The following EPHA7 variants were observed in gnomAD, a reference collection of about 807,000 sequenced individuals.
The protein encoded by EPHA7 is ephrin type-A receptor 7.
A neutral mutation model predicts 112.6 loss-of-function variants in EPHA7; 25 were observed. The observed-to-expected ratio is 0.22, with a 90% confidence interval of 0.16 to 0.31. The LOEUF (loss-of-function observed/expected upper bound fraction) is 0.31. Ranked by LOEUF, EPHA7 falls within the 10% of genes least tolerant of loss-of-function variation. The pLI is 1.00. For missense variants in EPHA7, 962 were observed against 1,212.6 expected, an observed-to-expected ratio of 0.79 and a Z score of 3.07; for synonymous variants, 437 against 406.5, an observed-to-expected ratio of 1.07 and a Z score of -0.90.
chr6:93,287,001 T>C (rs1772098509), intron 5 of EPHA7, among the ~76,000 whole-genome samples: 1 of 152,174 alleles, frequency 6.6e-6, no homozygotes, highest in Admixed American at 6.6e-5. Context: ...AATTGAGAAA[T>C]ATTTATTTGA....
intron 13 of EPHA7, among the ~76,000 whole-genome samples, chr6:93,255,021 G>C (rs1160500355): frequency 6.6e-6 from 1 of 151,950 alleles, no homozygotes; most frequent in African/African-American, 2.4e-5. Context: ...ATTGAGATTT[G>C]TGTGGTGTTA....
At chr6:93,265,547 T>A (rs1448457077) in intron 7 of EPHA7, among the ~76,000 whole-genome samples, 1 of 151,682 alleles carries the variant, frequency 6.6e-6, no homozygotes, top group Non-Finnish European at 1.5e-5. Flanking sequence ...ACTAGTGAAG[T>A]TTTATTTATA....
intron 1 of EPHA7, among the ~76,000 whole-genome samples, chr6:93,415,623 C>T (rs1395072721): frequency 1.3e-5 from 2 of 151,928 alleles, no homozygotes; most frequent in African/African-American, 4.8e-5. Flanking sequence ...GACAATTACT[C>T]TTCTAAAGCA....
intron 1 of EPHA7, among the ~76,000 whole-genome samples, chr6:93,418,242 T>C (rs1198657051): frequency 6.6e-6 from 1 of 152,118 alleles, no homozygotes; most frequent in Non-Finnish European, 1.5e-5. Context: ...GGTTTATTTT[T>C]CCCCAGCTCC....
chr6:93,313,996 A>G (rs2127870249), intron 5 of EPHA7, among the ~76,000 whole-genome samples: 1 of 152,134 alleles, frequency 6.6e-6, no homozygotes, highest in African/African-American at 2.4e-5. Context: ...GGTATATTTT[A>G]TAATTTCACT....
chr6:93,368,131 C>G (rs954466148), intron 3 of EPHA7, among the ~76,000 whole-genome samples: 3 of 152,084 alleles, frequency 2.0e-5, no homozygotes, highest in African/African-American at 7.2e-5. Flanking sequence ...CTTTTGACCA[C>G]TGGCTTCAAA....
At chr6:93,385,874 G>A (rs1413394719) in intron 3 of EPHA7, among the ~76,000 whole-genome samples, 2 of 152,160 alleles carry the variant, frequency 1.3e-5, no homozygotes, top group Non-Finnish European at 2.9e-5. Flanking sequence ...TAATCATGGT[G>A]GAAGGGGACG....
chr6:93,409,264 G>T (rs1025244107), intron 3 of EPHA7, among the ~76,000 whole-genome samples: 2 of 152,032 alleles, frequency 1.3e-5, no homozygotes, highest in African/African-American at 4.8e-5. Context: ...CTTGCTTTGT[G>T]ATTAAAACTA....
At chr6:93,366,011 G>A (rs1441542790) in intron 3 of EPHA7, among the ~76,000 whole-genome samples, 1 of 152,106 alleles carries the variant, frequency 6.6e-6, no homozygotes, top group Non-Finnish European at 1.5e-5. Flanking sequence ...AAAGCATTAT[G>A]TGAACACATC....
intron 5 of EPHA7, among the ~76,000 whole-genome samples, chr6:93,344,414 TA>T (rs540049623): frequency 1.7e-3 from 265 of 151,780 alleles, no homozygotes; most frequent in Non-Finnish European, 3.1e-3. Flanking sequence ...AAGGTTATGA[TA>T]ATGTATTAGA....
At chr6:93,311,105 T>A (rs962944613) in intron 5 of EPHA7, among the ~76,000 whole-genome samples, 1 of 144,182 alleles carries the variant, frequency 6.9e-6, no homozygotes, top group Non-Finnish European at 1.5e-5. Flanking sequence ...ATGTGCATCA[T>A]GCCCAGCTAT....
At chr6:93,353,410 G>A (rs1775790947) in intron 5 of EPHA7, among the ~76,000 whole-genome samples, 2 of 151,970 alleles carry the variant, frequency 1.3e-5, no homozygotes, top group African/African-American at 2.4e-5. Context: ...ATTTACATAA[G>A]AACCTCTATC....
intron 5 of EPHA7, among the ~76,000 whole-genome samples, chr6:93,340,884 T>G (rs951949652): frequency 6.6e-6 from 1 of 151,852 alleles, no homozygotes; most frequent in Non-Finnish European, 1.5e-5. Flanking sequence ...GTTTTTATAG[T>G]GGAACACTTA....
At chr6:93,290,321 C>A (rs1379173128) in intron 5 of EPHA7, among the ~76,000 whole-genome samples, 1 of 151,980 alleles carries the variant, frequency 6.6e-6, no homozygotes, top group Non-Finnish European at 1.5e-5. Context: ...CTTGTACCTT[C>A]TTGGAAATAT....
intron 5 of EPHA7, among the ~76,000 whole-genome samples, chr6:93,282,107 G>T (rs1308109973): frequency 6.6e-6 from 1 of 152,008 alleles, no homozygotes; most frequent in Non-Finnish European, 1.5e-5. Context: ...GAAATTCATA[G>T]ATTTGGTTTA....
At chr6:93,260,872 G>C in intron 9 of EPHA7, 1 of 394,854 alleles carries the variant, frequency 2.5e-6, no homozygotes, top group Non-Finnish European at 3.4e-6. Context: ...AAGGGGAAGA[G>C]AAAAAGAGAG....
chr6:93,326,143 G>A (rs551748187), intron 5 of EPHA7, among the ~76,000 whole-genome samples: 11 of 151,414 alleles, frequency 7.3e-5, no homozygotes, highest in East Asian at 3.9e-4. Context: ...GAATTATGCC[G>A]TGGTAATAGT....
chr6:93,274,397 G>T (rs1771371270), intron 5 of EPHA7, among the ~76,000 whole-genome samples: 1 of 151,720 alleles, frequency 6.6e-6, no homozygotes, highest in African/African-American at 2.4e-5. Context: ...ATTTTTGCAA[G>T]TTATACACTA....
intron 5 of EPHA7, among the ~76,000 whole-genome samples, chr6:93,298,672 G>A (rs997346257): frequency 6.6e-6 from 1 of 152,068 alleles, no homozygotes; most frequent in Non-Finnish European, 1.5e-5. Context: ...TTTTAAATGA[G>A]AAATTATTTT....
Sources: allele counts gnomAD v4.1 joint callset (sites outside exome capture counted in the v4.1 genomes callset), GRCh38; gene constraint gnomAD v4.1.1; transcripts MANE v1.5; gene names NCBI Gene and HGNC (gene_info 2026-07-23, HGNC 2026-07-21).